The following POPDC1 variants were observed in gnomAD, a reference collection of about 807,000 sequenced individuals.
POPDC1 encodes popeye domain cAMP effector 1, also known as popeye domain-containing protein 1.
the POPDC1 span, chr6:105,116,917 A>T: frequency 2.0e-6 from 3 of 1,528,880 alleles, no homozygotes; most frequent in Non-Finnish European, 2.7e-6. Context: ...TATGTATATG[A>T]ATTATGACTA....
At chr6:105,110,045 G>C in the POPDC1 span, among the ~76,000 whole-genome samples, 413 of 152,254 alleles carry the variant, frequency 2.7e-3, 1 homozygote, top group Non-Finnish European at 1.2e-3. Context: ...AAAATGCTGT[G>C]TGAGGACAGA....
At chr6:105,135,869 A>G in the POPDC1 span, among the ~76,000 whole-genome samples, 1 of 152,190 alleles carries the variant, frequency 6.6e-6, no homozygotes, top group African/African-American at 2.4e-5. Flanking sequence ...AACAATTCTT[A>G]TACAGAGAAT....
the POPDC1 span, among the ~76,000 whole-genome samples, chr6:105,112,749 C>G: frequency 6.6e-6 from 1 of 152,166 alleles, no homozygotes; most frequent in South Asian, 2.1e-4. Flanking sequence ...CTCACCAACT[C>G]TAGGTGGACT....
the POPDC1 span, among the ~76,000 whole-genome samples, chr6:105,130,613 T>C: frequency 6.6e-6 from 1 of 152,210 alleles, no homozygotes; most frequent in East Asian, 1.9e-4. Flanking sequence ...TAGATGATTT[T>C]GTTGCTGTGT....
At chr6:105,131,026 T>G in the POPDC1 span, among the ~76,000 whole-genome samples, 2 of 152,206 alleles carry the variant, frequency 1.3e-5, no homozygotes, top group Admixed American at 1.3e-4. Context: ...TTGATTCTCT[T>G]ACCTTATATA....
the POPDC1 span, chr6:105,100,294 G>C: frequency 1.3e-5 from 2 of 152,058 alleles, no homozygotes. Flanking sequence ...CGGATCACGA[G>C]GTCAGGAGAT....
the POPDC1 span, chr6:105,101,162 T>C: frequency 1.1e-5 from 17 of 1,613,498 alleles, no homozygotes; most frequent in Admixed American, 3.3e-5. Flanking sequence ...TTCTGCTCCT[T>C]CTTCTATCGG....
chr6:105,132,276 T>C, the POPDC1 span, among the ~76,000 whole-genome samples: 7 of 152,106 alleles, frequency 4.6e-5, no homozygotes, highest in Non-Finnish European at 8.8e-5. Context: ...CATTTATATT[T>C]TTAAGCACAA....
the POPDC1 span, chr6:105,100,245 C>T: frequency 2.0e-5 from 3 of 151,420 alleles, no homozygotes; most frequent in East Asian, 1.9e-4. Context: ...CGCGGTGGCT[C>T]ACGCCTGTAA....
chr6:105,100,940 A>G, the POPDC1 span: 1 of 871,162 alleles, frequency 1.1e-6, no homozygotes, highest in Non-Finnish European at 1.6e-6. Flanking sequence ...GAACTCTTCC[A>G]TCCTTGACCC....
At chr6:105,115,667 C>G in the POPDC1 span, 9 of 1,613,466 alleles carry the variant, frequency 5.6e-6, no homozygotes, top group Non-Finnish European at 6.8e-6. Context: ...GGAGTAGTAT[C>G]AGTTTTGGGA....
the POPDC1 span, chr6:105,116,903 C>T: frequency 6.3e-7 from 1 of 1,586,696 alleles, no homozygotes; most frequent in East Asian, 2.2e-5. Flanking sequence ...GAATAAAGTA[C>T]ATCTATGTAT....
At chr6:105,116,357 G>T in the POPDC1 span, among the ~76,000 whole-genome samples, 1 of 152,112 alleles carries the variant, frequency 6.6e-6, no homozygotes, top group Non-Finnish European at 1.5e-5. Context: ...CCTGATCGCT[G>T]GGGTCTGTCA....
the POPDC1 span, among the ~76,000 whole-genome samples, chr6:105,127,451 T>C: frequency 2.5e-4 from 38 of 152,218 alleles, no homozygotes; most frequent in East Asian, 7.0e-3. Flanking sequence ...GATCAAGCCC[T>C]TTTTATGTAT....
At chr6:105,108,491 A>C in the POPDC1 span, among the ~76,000 whole-genome samples, 93 of 152,368 alleles carry the variant, frequency 6.1e-4, no homozygotes, top group Middle Eastern at 3.4e-3. Context: ...AGAGACTTGA[A>C]GAAAAAATGA....
the POPDC1 span, chr6:105,096,928 C>T: frequency 0.059 from 8,960 of 152,728 alleles, 356 homozygotes; most frequent in Admixed American, 0.1. Context: ...TAAGTGTTAT[C>T]AATTTAAATG....
At chr6:105,106,857 C>T in the POPDC1 span, among the ~76,000 whole-genome samples, 1 of 152,124 alleles carries the variant, frequency 6.6e-6, no homozygotes, top group African/African-American at 2.4e-5. Context: ...TTATGAGTTA[C>T]ATGAGATACT....
chr6:105,116,880 A>T, the POPDC1 span: 6 of 1,609,424 alleles, frequency 3.7e-6, no homozygotes, highest in South Asian at 6.7e-5. Flanking sequence ...TGCCAAAGAA[A>T]CAAGCATGCA....
the POPDC1 span, chr6:105,133,444 A>G: frequency 3.1e-6 from 5 of 1,613,954 alleles, no homozygotes; most frequent in Non-Finnish European, 3.4e-6. Context: ...TGCTACATGA[A>G]AAACCAGATG....
Sources: gnomAD v4.1 joint callset for allele counts (sites outside exome capture counted in the v4.1 genomes callset) on GRCh38, gnomAD v4.1.1 for gene constraint, MANE v1.5 for transcripts, NCBI Gene and HGNC (gene_info 2026-07-23, HGNC 2026-07-21) for gene names.